The following EEF2K variants were observed in gnomAD, a reference collection of about 807,000 sequenced individuals.
EEF2K encodes alternative protein EEF2K.
EEF2K carries 70 observed loss-of-function variants against 93.8 expected under a neutral mutation model. The observed-to-expected ratio is 0.75, with a 90% CI of 0.62 to 0.91. The LOEUF (loss-of-function observed/expected upper bound fraction) is 0.91. Among genes scored for constraint, EEF2K ranks in the 40% least tolerant of loss-of-function variants. The pLI, the probability that EEF2K is intolerant of heterozygous loss-of-function variation, is 0.00. For missense variants in EEF2K, 935 were observed against 972.9 expected, an observed-to-expected ratio of 0.96 and a Z score of 0.52; for synonymous variants, 376 against 380.8, an observed-to-expected ratio of 0.99 and a Z score of 0.15.
In EEF2K at chr16:22,257,767, G is replaced by T; in HGVS notation, c.1026G>T (p.Leu342=). The change falls in exon 9 of 18, where the codon CTG becomes CTT. Residue 342 remains leucine (L), a synonymous_variant. Coordinates refer to ENST00000263026, the MANE Select transcript of EEF2K (RefSeq NM_013302.5). ...ERDAVNQNTK[L]LQSAKTILRG... ...ATGCAGTGAATCAGAACACCAAGCT[G>T]CTGGTGGGTGCCCAGTGTGACCCTG... The T allele has an allele frequency of 6.2e-7, 1 of 1,613,456 alleles. No individual in the cohort carries two copies.
At chr16:22,208,560 T>C (rs2046885971) in intron 1 of EEF2K, among the ~76,000 whole-genome samples, 1 of 152,044 alleles carries the variant, frequency 6.6e-6, no homozygotes, top group African/African-American at 2.4e-5. Context: ...CAATTTGTTT[T>C]TCTTGTGCTT....
At chr16:22,215,982 C>T (rs2046954554) in intron 1 of EEF2K, among the ~76,000 whole-genome samples, 1 of 152,254 alleles carries the variant, frequency 6.6e-6, no homozygotes, top group East Asian at 1.9e-4. Flanking sequence ...CACCTGTGCA[C>T]TGAAGGCAAT....
chr16:22,216,584 C>T (rs1188980915), intron 1 of EEF2K, among the ~76,000 whole-genome samples: 1 of 152,134 alleles, frequency 6.6e-6, no homozygotes, highest in Non-Finnish European at 1.5e-5. Flanking sequence ...AGACAGTGTC[C>T]TTGGCATGGT....
At chr16:22,269,697 C>T (rs905998806) in intron 15 of EEF2K, among the ~76,000 whole-genome samples, 10 of 152,090 alleles carry the variant, frequency 6.6e-5, no homozygotes, top group Non-Finnish European at 4.4e-5. Context: ...CCACAGTGCC[C>T]AGCCAGTATA....
Position 22,226,006 on chromosome 16 carries a change from C to G in EEF2K, c.246+31C>G, listed in dbSNP as rs1462799812. On this transcript the variant is annotated intron_variant, in intron 2 of 17. Coordinates refer to ENST00000263026, the MANE Select transcript of EEF2K (RefSeq NM_013302.5). ...TGAGCCACCTATTCCACCTTCCCCA[C>G]CTGGCTTAGCTGCTGTAAGGGATGG... 3 of 1,609,220 alleles carry G rather than the reference C, an allele frequency of 1.9e-6. No individual in the cohort carries two copies. In the Admixed American group the frequency reaches 5.0e-5, roughly 27 times the overall value.
chr16:22,259,227 G>C (rs1423959735), intron 10 of EEF2K, among the ~76,000 whole-genome samples: 1 of 152,196 alleles, frequency 6.6e-6, no homozygotes, highest in African/African-American at 2.4e-5. Flanking sequence ...ATTCAGATGA[G>C]AGTCTGTAGG....
At chr16:22,210,591 C>G (rs1237664516) in intron 1 of EEF2K, among the ~76,000 whole-genome samples, 1 of 152,172 alleles carries the variant, frequency 6.6e-6, no homozygotes, top group Non-Finnish European at 1.5e-5. Context: ...TCAGCCCGCA[C>G]CAGCTTCAAA....
intron 6 of EEF2K, 54 bp from the exon 7 acceptor site, chr16:22,256,694 T>C: frequency 6.3e-7 from 1 of 1,582,578 alleles, no homozygotes; most frequent in Non-Finnish European, 8.6e-7. Flanking sequence ...TTGCCGCTTC[T>C]CAGAGGAGGT....
intron 2 of EEF2K, among the ~76,000 whole-genome samples, chr16:22,244,083 G>T (rs1157888263): frequency 6.6e-6 from 1 of 151,978 alleles, no homozygotes; most frequent in South Asian, 2.1e-4. Context: ...GCAAAAAGTA[G>T]CAGTGCGTGG....
rs199764726 is a variant in EEF2K at position 22,263,092 on chromosome 16, G to T, written c.1300-18G>T. The T allele has an allele frequency of 6.2e-7, 1 of 1,608,926 alleles. No homozygotes were observed. The highest frequency in any genetic ancestry group is 1.7e-5 in the Admixed American group (1 of 59,132). On this transcript the variant is annotated intron_variant, in intron 11 of 17. Transcript: ENST00000263026. ...CTCAGGGGACCACCAGGACCCTAAG[G>T]CCGTCTTCTCTCCACAGGAGTCTGA...
Position 22,225,851 on chromosome 16 carries a change from C to A in EEF2K, c.122C>A (p.Pro41His), listed in dbSNP as rs755064229. 7 of 1,614,176 alleles carry A rather than the reference C, an allele frequency of 4.3e-6. No individual in the cohort carries two copies. The highest frequency in any genetic ancestry group is 5.1e-6 in the Non-Finnish European group (6 of 1,180,038). Residue 41 changes from proline (P) to histidine (H), a missense_variant, in exon 2 of 18, where the codon CCC (proline) becomes CAC (histidine). By Grantham distance (77) the Pro-to-His change is moderately conservative (BLOSUM62 -2). Coordinates refer to ENST00000263026, the MANE Select transcript of EEF2K (RefSeq NM_013302.5). ...SDDEEGYFIC[P>H]ITDDPSSNQN... ...GATGAGGAAGGTTACTTCATCTGCC[C>A]CATCACGGATGACCCAAGCTCGAAC...
chr16:22,217,228 T>TAGATAG (rs1555468299), intron 1 of EEF2K, among the ~76,000 whole-genome samples: 1,613 of 136,070 alleles, frequency 0.012, 32 homozygotes, highest in East Asian at 0.046. Flanking sequence ...GATAGATAGA[T>TAGATAG]AGAGAGAGAG....
intron 2 of EEF2K, among the ~76,000 whole-genome samples, chr16:22,242,475 G>A (rs2047232547): frequency 6.6e-6 from 1 of 151,210 alleles, no homozygotes; most frequent in African/African-American, 2.4e-5. Flanking sequence ...TATGCACCCA[G>A]CTTTTTTTTT....
intron 2 of EEF2K, among the ~76,000 whole-genome samples, chr16:22,243,922 CAAAA>C (rs1011054825): frequency 1.6e-4 from 10 of 61,984 alleles, no homozygotes; most frequent in South Asian, 6.2e-4. Flanking sequence ...GACCCTGTCT[CAAAA>C]AAAAAAAAAA....
At chr16:22,210,984 C>T (rs147211222) in intron 1 of EEF2K, among the ~76,000 whole-genome samples, 22 of 152,264 alleles carry the variant, frequency 1.4e-4, no homozygotes, top group South Asian at 8.3e-4. Context: ...GGCTGCTGGA[C>T]GGGCTCAGAA....
At chr16:22,230,282 T>C (rs922158630) in intron 2 of EEF2K, among the ~76,000 whole-genome samples, 3 of 152,072 alleles carry the variant, frequency 2.0e-5, no homozygotes, top group African/African-American at 7.2e-5. Context: ...GGTGTGATCC[T>C]GGCTCACTGC....
rs557369932 is a variant in EEF2K, at chr16:22,233,876, C to A, written c.246+7901C>A. Among the ~76,000 whole-genome samples, 9 of 152,218 alleles carry A rather than the reference C, an allele frequency of 5.9e-5. No homozygotes were observed. In the South Asian group the frequency reaches 1.9e-3, roughly 32 times the overall value. ...AAGTGATCCTCCCACCTCAGCCTCC[C>A]GAGTAGCTGGGACCACAGGCATGCA... On this transcript the variant is annotated intron_variant, in intron 2 of 17. Transcript: ENST00000263026.
intron 12 of EEF2K, among the ~76,000 whole-genome samples, chr16:22,263,880 G>T (rs1157196222): frequency 6.6e-6 from 1 of 152,174 alleles, no homozygotes; most frequent in Non-Finnish European, 1.5e-5. Flanking sequence ...CAGCATCCTG[G>T]TGAGGGCAAC....
chr16:22,281,981 C>T (rs1406531677), intron 17 of EEF2K, among the ~76,000 whole-genome samples: 1 of 152,142 alleles, frequency 6.6e-6, no homozygotes, highest in East Asian at 1.9e-4. Flanking sequence ...AAAAAAATTG[C>T]TGGGCACAGT....
Sources: gnomAD v4.1 joint callset for allele counts (sites outside exome capture counted in the v4.1 genomes callset) on GRCh38, gnomAD v4.1.1 for gene constraint, MANE v1.5 for transcripts, NCBI Gene and HGNC (gene_info 2026-07-23, HGNC 2026-07-21) for gene names.